BACE2: variants seen among roughly 807,000 people sequenced by gnomAD.
BACE2 encodes the protein 56 kDa aspartic-like protease.
A neutral mutation model predicts 46.2 loss-of-function variants in BACE2; 17 were observed. The observed-to-expected ratio is 0.37, with a 90% CI of 0.25 to 0.55. The LOEUF is 0.55. Among genes scored for constraint, BACE2 ranks in the 20% least tolerant of loss-of-function variants. The pLI is 0.82. For missense variants in BACE2, 595 were observed against 698.1 expected (o/e 0.85, Z 1.66); for synonymous variants, 277 against 295.9 (o/e 0.94, Z 0.66).
chr21:41,242,706 A>G (rs1056557652), intron 4 of BACE2, among the ~76,000 whole-genome samples: 1 of 152,134 alleles, frequency 6.6e-6, no homozygotes, highest in African/African-American at 2.4e-5. Flanking sequence ...CCTCCAAGGA[A>G]CTAAATAATT....
chr21:41,237,343 G>A (rs1381069915), intron 2 of BACE2, among the ~76,000 whole-genome samples, 170 bp from the exon 3 acceptor site: 1 of 152,166 alleles, frequency 6.6e-6, no homozygotes, highest in Non-Finnish European at 1.5e-5. Context: ...CTACTCAGGA[G>A]GCTGAGGCAG....
At chr21:41,214,085 C>T (rs778791256) in intron 1 of BACE2, among the ~76,000 whole-genome samples, 12 of 152,206 alleles carry the variant, frequency 7.9e-5, no homozygotes, top group South Asian at 4.1e-4. Flanking sequence ...GCACGTGTCA[C>T]AGCATTTACT....
intron 2 of BACE2, among the ~76,000 whole-genome samples, chr21:41,233,276 T>G (rs538239966): frequency 3.5e-4 from 54 of 152,228 alleles, no homozygotes; most frequent in Non-Finnish European, 6.8e-4. Flanking sequence ...CAATATTAAC[T>G]CTTTTAATCT....
intron 1 of BACE2, among the ~76,000 whole-genome samples, chr21:41,173,465 G>T (rs553845194): frequency 6.6e-6 from 1 of 152,276 alleles, no homozygotes; most frequent in East Asian, 1.9e-4. Context: ...TGTCAGGCGG[G>T]GCGCGGTGGC....
At chr21:41,169,916 A>G (rs1029300164) in intron 1 of BACE2, among the ~76,000 whole-genome samples, 9 of 152,338 alleles carry the variant, frequency 5.9e-5, no homozygotes, top group Admixed American at 3.9e-4. Flanking sequence ...ACTTGGCTGT[A>G]AGATGTGGTC....
chr21:41,274,587 C>G (rs1274428503), intron 8 of BACE2, among the ~76,000 whole-genome samples: 2 of 152,168 alleles, frequency 1.3e-5, no homozygotes, highest in Non-Finnish European at 2.9e-5. Context: ...CAAAGGAAGT[C>G]TACAGATAAT....
chr21:41,168,312 C>T lies in BACE2; in HGVS notation c.49C>T (p.Leu17Phe). The T allele has an allele frequency of 1.4e-5, 19 of 1,326,942 alleles. No individual in the cohort carries two copies. Among genetic ancestry groups the T allele is most frequent in the Non-Finnish European group, 1.6e-5 (17 of 1,038,944 alleles). The allele number at this position is 1,326,942 out of a possible 1,614,324, so 82.2% of individuals were successfully genotyped here. Residue 17 changes from leucine to phenylalanine, a missense_variant, in exon 1 of 9, where the codon CTC becomes TTC. Leu to Phe is a conservative substitution (Grantham distance 22). Coordinates refer to ENST00000330333, the MANE Select transcript of BACE2 (RefSeq NM_012105.5). ...ALLLPLLAQW[L>F]LRAAPELAPA... ...GCTGCTGCCTCTGCTGGCCCAGTGG[C>T]TCCTGCGCGCCGCCCCGGAGCTGGC... is the stretch of plus-strand genomic sequence containing the variant.
intron 7 of BACE2, among the ~76,000 whole-genome samples, chr21:41,255,304 G>A (rs1401666998): frequency 2.6e-5 from 4 of 152,164 alleles, no homozygotes; most frequent in African/African-American, 7.2e-5. Flanking sequence ...GCTAGATCAC[G>A]GGGTGACCTA....
intron 1 of BACE2, among the ~76,000 whole-genome samples, chr21:41,224,209 A>ATTTTTTTTTTTTTTTTTTTTT (rs10658440): frequency 1.0e-5 from 1 of 98,906 alleles, no homozygotes; most frequent in Non-Finnish European, 1.9e-5. Flanking sequence ...GCCTATTTTG[A>ATTTTTTTTTTTTTTTTTTTTT]TTTTTTTTTT....
chr21:41,221,072 G>A (rs1179670625), intron 1 of BACE2, among the ~76,000 whole-genome samples: 1 of 149,654 alleles, frequency 6.7e-6, no homozygotes, highest in East Asian at 1.9e-4. Flanking sequence ...ACAGTAGAGT[G>A]CCTTTGCCAT....
At chr21:41,179,790 G>T in intron 1 of BACE2, 1 of 576,614 alleles carries the variant, frequency 1.7e-6, no homozygotes, top group Non-Finnish European at 2.9e-6. Flanking sequence ...AGACTATTGT[G>T]TGTTTTATTC....
At chr21:41,224,209 A>ATTATTTTTT (rs1986739967) in intron 1 of BACE2, among the ~76,000 whole-genome samples, 1 of 98,908 alleles carries the variant, frequency 1.0e-5, no homozygotes, top group African/African-American at 4.5e-5. Flanking sequence ...GCCTATTTTG[A>ATTATTTTTT]TTTTTTTTTT....
intron 1 of BACE2, among the ~76,000 whole-genome samples, chr21:41,199,321 C>T (rs1985866776): frequency 6.6e-6 from 1 of 152,082 alleles, no homozygotes; most frequent in Non-Finnish European, 1.5e-5. Context: ...CCCTCCCTCC[C>T]TGCCTCCTTC....
intron 8 of BACE2, among the ~76,000 whole-genome samples, chr21:41,268,158 T>G (rs1027716406): frequency 6.6e-6 from 1 of 152,212 alleles, no homozygotes; most frequent in Admixed American, 6.5e-5. Flanking sequence ...ATCTATTAAC[T>G]TGATTGTTCT....
intron 1 of BACE2, 21 bp downstream of exon 1, chr21:41,168,596 C>T: frequency 7.7e-7 from 1 of 1,305,036 alleles, no homozygotes; most frequent in Non-Finnish European, 9.8e-7. Context: ...CCGGCTGCTG[C>T]CGCGGGCTTT....
rs545716725 is a variant in BACE2, at chr21:41,188,017, C to T, written c.312+19442C>T. On this transcript the variant is annotated intron_variant, in intron 1 of 8. Coordinates refer to ENST00000330333, the MANE Select transcript of BACE2 (RefSeq NM_012105.5). ...TAAGTACACACACATTTTAAAAGTA[C>T]GTAATATTGTTATCATCCTTCCATT... 1.2e-4 allele frequency among the ~76,000 whole-genome samples: 19 copies of T among 152,302 alleles called. 1 individual carries two copies. The highest frequency in any genetic ancestry group is 3.4e-3 in the Middle Eastern group (1 of 294).
intron 2 of BACE2, among the ~76,000 whole-genome samples, chr21:41,228,324 T>G (rs1037931628): frequency 1.3e-5 from 2 of 152,188 alleles, no homozygotes; most frequent in East Asian, 1.9e-4. Flanking sequence ...CAGTGTAGAC[T>G]GATCAAGGCA....
In BACE2 at chr21:41,271,410, A is replaced by G. The variant is rs73222300; in HGVS notation, c.1304-3961A>G. 8.9e-3 allele frequency among the ~76,000 whole-genome samples: 1,354 copies of G among 152,322 alleles called. 7 individuals are homozygous for G. Among genetic ancestry groups the G allele is most frequent in the Admixed American group, 0.015 (225 of 15,310 alleles). ...AAATCAGAAAGAAGCTAACCTAAAA[A>G]GCTTAACATATTTACTATCTGGCCC... is the stretch of plus-strand genomic sequence containing the variant. On this transcript the variant is annotated intron_variant, in intron 8 of 8. Coordinates refer to ENST00000330333, the MANE Select transcript of BACE2 (RefSeq NM_012105.5).
At position 41,241,646 on chromosome 21, in the gene BACE2, C is replaced by G. The variant is rs955610520; in HGVS notation, c.619-173C>G. ...GAAGAATGCCAACCAGTGGGAAGCT[C>G]TGCTGGGGCTTTCTGAATTCCTAGA... On this transcript the variant is annotated intron_variant, in intron 3 of 8. Transcript: ENST00000330333. 144 of 652,912 alleles carry G rather than the reference C, an allele frequency of 2.2e-4. 4 individuals are homozygous for G. In the South Asian group the frequency reaches 2.5e-3, roughly 11 times the overall value. 40.4% of individuals were successfully genotyped at this position (652,912 alleles called of 1,614,324 possible).
Sources: gnomAD v4.1 joint callset for allele counts (sites outside exome capture counted in the v4.1 genomes callset) on GRCh38, gnomAD v4.1.1 for gene constraint, MANE v1.5 for transcripts, NCBI Gene and HGNC (gene_info 2026-07-23, HGNC 2026-07-21) for gene names.